The following WDR75 variants were observed in gnomAD, a reference collection of about 807,000 sequenced individuals.
WDR75 encodes WD repeat domain 75.
Under a neutral mutation model 106.1 loss-of-function variants are expected in WDR75, and 52 were observed. That is an observed-to-expected ratio of 0.49 (90% CI 0.39 to 0.62). The LOEUF (loss-of-function observed/expected upper bound fraction) is 0.62, where lower values mean the gene tolerates loss of function less well. WDR75 is among the 20% of genes least tolerant of loss of function. The probability of loss-of-function intolerance (pLI) is 0.00; values close to 1 mark genes in which losing one functional copy is unlikely to be tolerated. For missense variants in WDR75, 905 were observed against 970.3 expected, an observed-to-expected ratio of 0.93 and a Z score of 0.89; for synonymous variants, 333 against 335.5, an observed-to-expected ratio of 0.99 and a Z score of 0.08.
intron 13 of WDR75, among the ~76,000 whole-genome samples, chr2:189,466,941 G>T (rs1276690016): frequency 6.6e-6 from 1 of 152,100 alleles, no homozygotes; most frequent in South Asian, 2.1e-4. Flanking sequence ...ACTTAAAGAA[G>T]TTGTGGGGAA....
At chr2:189,458,101 T>G (rs1431468945) in intron 6 of WDR75, among the ~76,000 whole-genome samples, 1 of 152,084 alleles carries the variant, frequency 6.6e-6, no homozygotes, top group Non-Finnish European at 1.5e-5. Flanking sequence ...TTTTGTATTT[T>G]TAGTAGAGAC....
intron 9 of WDR75, among the ~76,000 whole-genome samples, chr2:189,463,040 C>CT (rs984116066): frequency 6.6e-6 from 1 of 152,104 alleles, no homozygotes; most frequent in African/African-American, 2.4e-5. Flanking sequence ...GGCAAGAGTC[C>CT]TGTAGATTTG....
chr2:189,454,528 G>GCT lies in WDR75; in HGVS notation c.374-792_374-791insCT, dbSNP rs1553485376. On this transcript the variant is annotated intron_variant, in intron 4 of 20. Transcript: ENST00000314761. Reference sequence around the variant, plus strand: ...ATACAAGTTGATTTGTATTTCTTTTGTTTTTTTTTTTGAAACAGAGTCTTG... The same window carrying GCT: ...ATACAAGTTGATTTGTATTTCTTTTGCTTTTTTTTTTTTGAAACAGAGTCTTG... Among the ~76,000 whole-genome samples the GCT allele has an allele frequency of 5.4e-5, 7 of 130,066 alleles. No homozygotes were observed. The East Asian group carries it at 6.0e-4, about 11-fold the overall frequency. The allele number at this position is 130,066 out of a possible 152,430, so 85.3% of individuals were successfully genotyped here.
chr2:189,456,619 C>T (rs922930654), intron 5 of WDR75, among the ~76,000 whole-genome samples: 1 of 151,898 alleles, frequency 6.6e-6, no homozygotes, highest in Non-Finnish European at 1.5e-5. Flanking sequence ...GGGATGGAAA[C>T]ATTGAGGAAT....
At chr2:189,467,923 T>G (rs570584332) in intron 14 of WDR75, among the ~76,000 whole-genome samples, 1 of 152,198 alleles carries the variant, frequency 6.6e-6, no homozygotes, top group African/African-American at 2.4e-5. Flanking sequence ...TACATAAGCC[T>G]CAGGGGATCC....
intron 2 of WDR75, chr2:189,450,209 T>A: frequency 3.0e-6 from 3 of 985,444 alleles, no homozygotes; most frequent in Non-Finnish European, 3.6e-6. Context: ...TGGAAGAAAT[T>A]TTTTTAAGCA....
At chr2:189,474,104 G>T in intron 18 of WDR75, 82 bp from the exon 19 acceptor site, 1 of 1,382,658 alleles carries the variant, frequency 7.2e-7, no homozygotes, top group South Asian at 1.5e-5. Context: ...GACTTTTTAT[G>T]ATTCTGTAGT....
In WDR75 at chr2:189,448,452, CATG is replaced by C. The variant is rs749590244; in HGVS notation, c.161_163del (p.His54_Gly55delinsArg). ...TACAGAAGAGTGTGTACACATACTG[CATG>C]GACACAGAAATCTGGTGACTGGAAT... is the stretch of plus-strand genomic sequence containing the variant. On this transcript the variant is annotated inframe_deletion, in exon 2 of 21. Coordinates refer to ENST00000314761, the MANE Select transcript of WDR75 (RefSeq NM_032168.3). 2.4e-5 allele frequency: 38 copies of C among 1,613,928 alleles called. No homozygotes were observed. The highest frequency in any genetic ancestry group is 3.0e-5 in the Non-Finnish European group (35 of 1,179,844).
At chr2:189,466,737 T>G (rs184085586) in intron 13 of WDR75, among the ~76,000 whole-genome samples, 155 bp downstream of exon 13, 19 of 152,312 alleles carry the variant, frequency 1.2e-4, no homozygotes, top group African/African-American at 4.6e-4. Context: ...GATTACATTT[T>G]ACATGCCTTT....
chr2:189,465,439 C>T (rs990754496), intron 12 of WDR75, among the ~76,000 whole-genome samples, 185 bp downstream of exon 12: 55 of 152,068 alleles, frequency 3.6e-4, no homozygotes, highest in Non-Finnish European at 7.6e-4. Context: ...TCCTCTAAGT[C>T]ATAATGTCAT....
At chr2:189,465,052 G>T in intron 11 of WDR75, 27 bp from the exon 12 acceptor site, 1 of 1,478,704 alleles carries the variant, frequency 6.8e-7, no homozygotes, top group Non-Finnish European at 9.2e-7. Context: ...TAAACATTTT[G>T]GTTTTTTGGT....
At chr2:189,452,273 ATATTG>A (rs1483262787) in intron 4 of WDR75, among the ~76,000 whole-genome samples, 1 of 152,150 alleles carries the variant, frequency 6.6e-6, no homozygotes, top group African/African-American at 2.4e-5. Flanking sequence ...AAATTGGTTG[ATATTG>A]GCCAGGCGCA....
At chr2:189,454,990 A>G (rs1686702598) in intron 4 of WDR75, among the ~76,000 whole-genome samples, 2 of 152,072 alleles carry the variant, frequency 1.3e-5, no homozygotes, top group Non-Finnish European at 2.9e-5. Flanking sequence ...CACACCTATA[A>G]TAGCAATTTG....
intron 9 of WDR75, among the ~76,000 whole-genome samples, chr2:189,463,254 T>G (rs1425069196): frequency 6.6e-6 from 1 of 152,160 alleles, no homozygotes; most frequent in African/African-American, 2.4e-5. Context: ...TTAAAATGTG[T>G]TCATAGGCAC....
chr2:189,442,425 G>A, intron 1 of WDR75, among the ~76,000 whole-genome samples: 1 of 127,360 alleles, frequency 7.9e-6, no homozygotes, highest in Non-Finnish European at 1.7e-5. Flanking sequence ...ATGAAAGTTT[G>A]TAGCCTCCAC....
chr2:189,467,864 T>G (rs1261727039), intron 14 of WDR75, among the ~76,000 whole-genome samples: 1 of 152,188 alleles, frequency 6.6e-6, no homozygotes, highest in East Asian at 1.9e-4. Context: ...GCCTACATAT[T>G]TTTTCTTTGG....
At position 189,462,493 on chromosome 2, in the gene WDR75, T is replaced by G; in HGVS notation, c.788T>G (p.Leu263Arg). Residue 263 changes from leucine (L) to arginine (R), a missense_variant, in exon 9 of 21, where the codon CTG becomes CGG. Coordinates refer to ENST00000314761, the MANE Select transcript of WDR75 (RefSeq NM_032168.3). Reference sequence around the variant, plus strand: ...TTGAATGGATATGAAGGCACCAGTCTGCTGAGTGGCGGTCGTGAATCTGTA... The same window carrying G: ...TTGAATGGATATGAAGGCACCAGTCGGCTGAGTGGCGGTCGTGAATCTGTA... ...DLAFSVTGTSLLSGGRESVLV... is the reference protein window; with the variant it reads ...DLAFSVTGTSRLSGGRESVLV... The G allele has an allele frequency of 6.2e-7, 1 of 1,613,830 alleles. No individual in the cohort carries two copies. The highest frequency in any genetic ancestry group is 8.5e-7 in the Non-Finnish European group (1 of 1,179,796).
intron 7 of WDR75, 35 bp from the exon 8 acceptor site, chr2:189,459,301 A>C: frequency 6.6e-7 from 1 of 1,510,948 alleles, no homozygotes; most frequent in Non-Finnish European, 9.1e-7. Flanking sequence ...ACTTAAACCT[A>C]TGGTCAAAAT....
rs1687102704 is a variant in WDR75 at position 189,470,811 on chromosome 2, C to T, written c.1990-8C>T. 1.9e-6 allele frequency: 3 copies of T among 1,581,616 alleles called. No homozygotes were observed. The highest frequency in any genetic ancestry group is 2.6e-6 in the Non-Finnish European group (3 of 1,165,544). ...TTGTCTTTTGCATCATTAATTCTCT[C>T]TTTTCAGAGTTTATTGACATTCAGT... On this transcript the variant is annotated splice_region_variant and splice_polypyrimidine_tract_variant and intron_variant, in intron 17 of 20. Transcript: ENST00000314761.
Sources: allele counts gnomAD v4.1 joint callset (sites outside exome capture counted in the v4.1 genomes callset), GRCh38; gene constraint gnomAD v4.1.1; transcripts MANE v1.5; gene names NCBI Gene and HGNC (gene_info 2026-07-23, HGNC 2026-07-21).